NETO1: variants seen among roughly 807,000 people sequenced by gnomAD.
NETO1 encodes neuropilin and tolloid-like protein 1.
Under a neutral mutation model 61.3 loss-of-function variants are expected in NETO1, and 26 were observed. The ratio of observed to expected loss-of-function variants is 0.42; its 90% CI spans 0.31 to 0.59. NETO1 has a LOEUF of 0.59. NETO1 is among the 20% of genes least tolerant of loss of function. The pLI is 0.12. For missense variants in NETO1, 531 were observed against 662.8 expected, an observed-to-expected ratio of 0.80 and a Z score of 2.18; for synonymous variants, 225 against 225.8, an observed-to-expected ratio of 1.00 and a Z score of 0.03.
intron 4 of NETO1, among the ~76,000 whole-genome samples, chr18:72,848,009 C>T (rs1263012559): frequency 1.3e-5 from 2 of 152,178 alleles, no homozygotes; most frequent in African/African-American, 4.8e-5. Flanking sequence ...ATATTCAAAG[C>T]CAACAGAGAT....
chr18:72,842,680 T>C (rs1022618448), intron 4 of NETO1, among the ~76,000 whole-genome samples: 2 of 152,202 alleles, frequency 1.3e-5, no homozygotes, highest in African/African-American at 2.4e-5. Context: ...AGGCATTTAC[T>C]TGTTGACAAT....
rs1331091765 is a variant in NETO1 at position 72,867,601 on chromosome 18, C to G, written c.-310G>C. On this transcript the variant is annotated 5_prime_UTR_variant, in exon 1 of 11. Coordinates refer to ENST00000327305, the MANE Select transcript of NETO1 (RefSeq NM_138966.5). ...GGGCGCCGGCCGCCACCATCCGCGC[C>G]GCCGCCGTCAGGACCCTCCTCCCGG... The G allele has an allele frequency of 4.0e-6, 1 of 247,934 alleles. No homozygotes were observed. Among genetic ancestry groups the G allele is most frequent in the Non-Finnish European group, 7.7e-6 (1 of 130,538 alleles). 15.4% of individuals were successfully genotyped at this position (247,934 alleles called of 1,614,324 possible).
At chr18:72,853,411 C>T (rs1357712523) in intron 4 of NETO1, 1 of 152,692 alleles carries the variant, frequency 6.5e-6, no homozygotes, top group Non-Finnish European at 1.5e-5. Flanking sequence ...AAAGACAACA[C>T]ATACTGACCT....
At chr18:72,829,231 A>C (rs561526099) in intron 4 of NETO1, among the ~76,000 whole-genome samples, 5 of 152,348 alleles carry the variant, frequency 3.3e-5, no homozygotes, top group African/African-American at 1.2e-4. Flanking sequence ...ATAACATCTA[A>C]ATAAGCGAAT....
At chr18:72,754,535 A>G (rs2070724412) in intron 8 of NETO1, among the ~76,000 whole-genome samples, 1 of 152,168 alleles carries the variant, frequency 6.6e-6, no homozygotes, top group East Asian at 1.9e-4. Flanking sequence ...GGCTATACTA[A>G]TGCCAGAAAA....
intron 4 of NETO1, among the ~76,000 whole-genome samples, chr18:72,804,195 C>T (rs1233169539): frequency 6.6e-6 from 1 of 152,022 alleles, no homozygotes; most frequent in Non-Finnish European, 1.5e-5. Flanking sequence ...GCCAATAAGC[C>T]AAGCATTTTG....
At chr18:72,757,444 A>G (rs2070820477) in intron 7 of NETO1, among the ~76,000 whole-genome samples, 1 of 152,056 alleles carries the variant, frequency 6.6e-6, no homozygotes, top group African/African-American at 2.4e-5. Context: ...TAAGGCAAAG[A>G]AATAGCTAAT....
At chr18:72,784,917 T>G (rs2071862387) in intron 6 of NETO1, among the ~76,000 whole-genome samples, 1 of 152,152 alleles carries the variant, frequency 6.6e-6, no homozygotes, top group Admixed American at 6.6e-5. Context: ...TGAGGGCCAG[T>G]GCCGAAAATG....
chr18:72,858,154 T>C (rs1010872584), intron 4 of NETO1, among the ~76,000 whole-genome samples: 4 of 152,200 alleles, frequency 2.6e-5, no homozygotes, highest in Non-Finnish European at 5.9e-5. Flanking sequence ...CTATTTTTAT[T>C]GTAATGAATG....
chr18:72,749,887 G>C (rs554798248), intron 9 of NETO1, among the ~76,000 whole-genome samples, 175 bp downstream of exon 9: 1 of 152,108 alleles, frequency 6.6e-6, no homozygotes, highest in South Asian at 2.1e-4. Context: ...ATGAGGTTTA[G>C]GAAGAATATG....
intron 4 of NETO1, among the ~76,000 whole-genome samples, chr18:72,857,529 T>A (rs1009042396): frequency 2.6e-5 from 4 of 152,184 alleles, no homozygotes; most frequent in African/African-American, 9.7e-5. Flanking sequence ...AATGAAAATA[T>A]AACTTATGAA....
chr18:72,834,051 T>C, intron 4 of NETO1: 1 of 881,406 alleles, frequency 1.1e-6, no homozygotes, highest in African/African-American at 1.8e-5. Flanking sequence ...TAGATACTCG[T>C]TTTATTATTT....
chr18:72,842,002 C>T (rs750587714), intron 4 of NETO1, among the ~76,000 whole-genome samples: 6 of 152,214 alleles, frequency 3.9e-5, no homozygotes, highest in Non-Finnish European at 7.4e-5. Context: ...CTGAATGATG[C>T]TATTTTTCCA....
At chr18:72,767,901 C>CA (rs534643050) in intron 7 of NETO1, among the ~76,000 whole-genome samples, 201 of 152,310 alleles carry the variant, frequency 1.3e-3, no homozygotes, top group African/African-American at 4.5e-3. Flanking sequence ...ATCTCACTAA[C>CA]GGATACAATA....
At chr18:72,788,635 C>A (rs1010063558) in intron 6 of NETO1, among the ~76,000 whole-genome samples, 1 of 152,016 alleles carries the variant, frequency 6.6e-6, no homozygotes, top group Non-Finnish European at 1.5e-5. Context: ...CTCAGTGAAT[C>A]ATTTTGATGC....
chr18:72,770,816 A>G (rs1281434107), intron 7 of NETO1, among the ~76,000 whole-genome samples: 1 of 152,172 alleles, frequency 6.6e-6, no homozygotes, highest in Non-Finnish European at 1.5e-5. Context: ...TGCTTATTCT[A>G]GAGGAAAAAC....
At chr18:72,827,029 C>A (rs947867127) in intron 4 of NETO1, among the ~76,000 whole-genome samples, 30 of 151,526 alleles carry the variant, frequency 2.0e-4, no homozygotes, top group African/African-American at 6.8e-4. Context: ...AGTGAGAAAT[C>A]GGGGCAAACT....
At chr18:72,767,674 G>C (rs886789599) in intron 7 of NETO1, among the ~76,000 whole-genome samples, 3 of 151,926 alleles carry the variant, frequency 2.0e-5, no homozygotes, top group African/African-American at 7.3e-5. Flanking sequence ...ACTTTTGACA[G>C]TTGTTTTCTT....
In NETO1 at chr18:72,745,480, A is replaced by G. The variant is rs2070410708; in HGVS notation, c.*2699T>C. The G allele has an allele frequency of 6.6e-6, 1 of 152,378 alleles. No individual in the cohort carries two copies. The highest frequency in any genetic ancestry group is 1.9e-4 in the East Asian group (1 of 5,190). The allele number at this position is 152,378 out of a possible 1,614,324, so 9.4% of individuals were successfully genotyped here. The stretch of plus-strand genomic sequence containing the variant: ...CTAACTTAATGCATTATTTGAAATC[A>G]TCTTGTTAAATCAATAAAGCACTTG... On this transcript the variant is annotated 3_prime_UTR_variant, in exon 11 of 11. Coordinates refer to ENST00000327305, the MANE Select transcript of NETO1 (RefSeq NM_138966.5).
Sources: gnomAD v4.1 joint callset for allele counts (sites outside exome capture counted in the v4.1 genomes callset) on GRCh38, gnomAD v4.1.1 for gene constraint, MANE v1.5 for transcripts, NCBI Gene and HGNC (gene_info 2026-07-23, HGNC 2026-07-21) for gene names.